FAM117B: variants seen among roughly 807,000 people sequenced by gnomAD.
FAM117B encodes family with sequence similarity 117 member B.
In FAM117B, 22 loss-of-function variants were observed where a neutral mutation model predicts 52.8. The ratio of observed to expected loss-of-function variants is 0.42; its 90% CI spans 0.30 to 0.59. The LOEUF is 0.59. Ranked by LOEUF, FAM117B falls within the 20% of genes least tolerant of loss-of-function variation. The pLI is 0.22. For synonymous variants in FAM117B, 309 were observed against 324.1 expected (o/e 0.95, Z 0.50); for missense variants, 678 against 802.6 (o/e 0.84, Z 1.88).
At chr2:202,713,469 T>G (rs1690988126) in intron 2 of FAM117B, among the ~76,000 whole-genome samples, 1 of 152,180 alleles carries the variant, frequency 6.6e-6, no homozygotes, top group Non-Finnish European at 1.5e-5. Context: ...AAAACCCACC[T>G]TTTTGTTTTG....
At chr2:202,696,422 A>C (rs1298227555) in intron 2 of FAM117B, among the ~76,000 whole-genome samples, 2 of 152,226 alleles carry the variant, frequency 1.3e-5, no homozygotes, top group Non-Finnish European at 2.9e-5. Context: ...GCTTAAAAAA[A>C]ATTGCAAAAA....
intron 1 of FAM117B, among the ~76,000 whole-genome samples, chr2:202,654,772 C>T (rs148662904): frequency 1.3e-5 from 2 of 151,322 alleles, no homozygotes; most frequent in East Asian, 1.9e-4. Context: ...CTCAAATAGG[C>T]GGCAAGAAAA....
chr2:202,757,904 C>G (rs7585385), intron 6 of FAM117B, among the ~76,000 whole-genome samples: 1 of 151,990 alleles, frequency 6.6e-6, no homozygotes. Flanking sequence ...TTAAAGCAAG[C>G]CTGATGTAAA....
At chr2:202,764,161 A>G (rs1469642596) in intron 7 of FAM117B, among the ~76,000 whole-genome samples, 1 of 151,974 alleles carries the variant, frequency 6.6e-6, no homozygotes, top group Non-Finnish European at 1.5e-5. Context: ...ATCACTCCTC[A>G]CCCCACAAGA....
chr2:202,699,438 AAAAAAAAAAAG>A (rs1238469652), intron 2 of FAM117B, among the ~76,000 whole-genome samples: 30 of 132,754 alleles, frequency 2.3e-4, no homozygotes, highest in African/African-American at 8.9e-4. Flanking sequence ...AAAAAAAAAA[AAAAAAAAAAAG>A]AAAAAAAAAA....
chr2:202,655,754 G>GAGAGAGAGAGAA (rs1559095457), intron 1 of FAM117B, among the ~76,000 whole-genome samples: 1 of 148,386 alleles, frequency 6.7e-6, no homozygotes, highest in Non-Finnish European at 1.5e-5. Context: ...GAGAGAGAGA[G>GAGAGAGAGAGAA]AGAGAGAGTG....
intron 1 of FAM117B, among the ~76,000 whole-genome samples, chr2:202,644,074 T>TTTTTTTTTTTTTTTTTTTTTTTTG (rs1689820887): frequency 6.8e-6 from 1 of 146,672 alleles, no homozygotes; most frequent in African/African-American, 2.5e-5. Flanking sequence ...GTTTTTTTTT[T>TTTTTTTTTTTTTTTTTTTTTTTTG]TTTTTTTTTT....
intron 4 of FAM117B, among the ~76,000 whole-genome samples, chr2:202,737,890 C>CCA (rs1383994789): frequency 6.6e-6 from 1 of 152,304 alleles, no homozygotes; most frequent in Non-Finnish European, 1.5e-5. Flanking sequence ...GCATGAACCA[C>CCA]TGTGCCCGGC....
At chr2:202,737,234 G>A (rs1221500794) in intron 4 of FAM117B, among the ~76,000 whole-genome samples, 1 of 151,946 alleles carries the variant, frequency 6.6e-6, no homozygotes, top group African/African-American at 2.4e-5. Context: ...TCTAGGAAAG[G>A]ACCTAAAGAG....
chr2:202,752,325 A>C (rs1390715129), intron 4 of FAM117B, among the ~76,000 whole-genome samples: 4 of 152,116 alleles, frequency 2.6e-5, no homozygotes, highest in Non-Finnish European at 4.4e-5. Context: ...ATCCTCTCTC[A>C]GCACTTCTGC....
At chr2:202,732,552 C>T (rs1200180413) in intron 4 of FAM117B, among the ~76,000 whole-genome samples, 2 of 152,156 alleles carry the variant, frequency 1.3e-5, no homozygotes, top group Non-Finnish European at 2.9e-5. Flanking sequence ...GGCACGGCGG[C>T]TTATGCCCGA....
chr2:202,635,356 AGCG>A lies in FAM117B; in HGVS notation c.187_189del (p.Gly63del), dbSNP rs758776023. 823 of 1,369,120 alleles carry A rather than the reference AGCG, an allele frequency of 6.0e-4. No individual in the cohort carries two copies. Among genetic ancestry groups the A allele is most frequent in the South Asian group, 3.0e-3 (177 of 59,506 alleles). The allele number at this position is 1,369,120 out of a possible 1,614,324, so 84.8% of individuals were successfully genotyped here. ...GCAGCAACATGGCAGCCCCACGCGG[AGCG>A]GCGGCGGCGGCGGCGGCAACAACAA... On this transcript the variant is annotated inframe_deletion, in exon 1 of 8. Transcript: ENST00000392238.
intron 1 of FAM117B, among the ~76,000 whole-genome samples, chr2:202,645,422 T>TGGGA (rs1212682327): frequency 1.3e-5 from 2 of 150,646 alleles, no homozygotes; most frequent in Non-Finnish European, 2.9e-5. Flanking sequence ...CCCGAGTAGC[T>TGGGA]GGGACTACAG....
chr2:202,745,854 T>A (rs1447763439), intron 4 of FAM117B, among the ~76,000 whole-genome samples: 1 of 152,132 alleles, frequency 6.6e-6, no homozygotes. Context: ...ACAAAGAAGG[T>A]TATTATATGT....
chr2:202,731,766 A>C (rs1037957808), intron 4 of FAM117B, among the ~76,000 whole-genome samples: 2 of 145,484 alleles, frequency 1.4e-5, no homozygotes, highest in South Asian at 2.2e-4. Context: ...ACGGAGTTTC[A>C]CTCTTTATGC....
intron 4 of FAM117B, among the ~76,000 whole-genome samples, chr2:202,737,517 A>C (rs570145353): frequency 1.3e-5 from 2 of 152,324 alleles, no homozygotes; most frequent in South Asian, 4.1e-4. Flanking sequence ...ATGGAATCAT[A>C]CAGTATGTAA....
intron 4 of FAM117B, among the ~76,000 whole-genome samples, chr2:202,730,227 G>C (rs185482286): frequency 3.3e-5 from 5 of 152,188 alleles, no homozygotes; most frequent in Non-Finnish European, 5.9e-5. Context: ...CAGGTATATT[G>C]TTTAAGGTCA....
chr2:202,670,810 A>T (rs1690286856), intron 1 of FAM117B, among the ~76,000 whole-genome samples: 1 of 152,248 alleles, frequency 6.6e-6, no homozygotes, highest in South Asian at 2.1e-4. Flanking sequence ...GAGCCTGGTC[A>T]TGTACTCACC....
intron 1 of FAM117B, among the ~76,000 whole-genome samples, chr2:202,669,042 G>C (rs1690252184): frequency 6.6e-6 from 1 of 152,116 alleles, no homozygotes; most frequent in Non-Finnish European, 1.5e-5. Flanking sequence ...TATGCCAAAA[G>C]TTCCTCCCTT....
Sources: gnomAD v4.1 joint callset for allele counts (sites outside exome capture counted in the v4.1 genomes callset) on GRCh38, gnomAD v4.1.1 for gene constraint, MANE v1.5 for transcripts, NCBI Gene and HGNC (gene_info 2026-07-23, HGNC 2026-07-21) for gene names.